Variants in CDKAL1 observed in about 807,000 individuals in gnomAD.
CDKAL1 encodes threonylcarbamoyladenosine tRNA methylthiotransferase.
A neutral mutation model predicts 68.2 loss-of-function variants in CDKAL1; 32 were observed. That is an observed-to-expected ratio of 0.47 (90% CI 0.35 to 0.63). The LOEUF (loss-of-function observed/expected upper bound fraction) is 0.63, where lower values mean the gene tolerates loss of function less well. CDKAL1 is among the 30% of genes least tolerant of loss of function. CDKAL1 has a pLI of 0.00. For synonymous variants in CDKAL1, 234 were observed against 244.3 expected, an observed-to-expected ratio of 0.96 and a Z score of 0.39; for missense variants, 606 against 696.7, an observed-to-expected ratio of 0.87 and a Z score of 1.47.
chr6:20,646,483 G>A (rs1305581526), intron 4 of CDKAL1, among the ~76,000 whole-genome samples: 1 of 151,638 alleles, frequency 6.6e-6, no homozygotes, highest in Middle Eastern at 3.2e-3. Flanking sequence ...ATACTCTTGT[G>A]TATCAACTGT....
At chr6:20,671,029 T>C (rs1769789226) in intron 5 of CDKAL1, among the ~76,000 whole-genome samples, 1 of 152,164 alleles carries the variant, frequency 6.6e-6, no homozygotes, top group Admixed American at 6.5e-5. Context: ...AGGTATATCT[T>C]TGGGATGAAT....
chr6:21,179,467 A>T (rs533268486), intron 13 of CDKAL1, among the ~76,000 whole-genome samples: 2 of 152,306 alleles, frequency 1.3e-5, no homozygotes, highest in East Asian at 3.9e-4. Context: ...TGTATTTTCT[A>T]GGAAATGCTA....
At chr6:20,647,947 C>T (rs1247290828) in intron 4 of CDKAL1, among the ~76,000 whole-genome samples, 3 of 149,188 alleles carry the variant, frequency 2.0e-5, no homozygotes, top group East Asian at 4.0e-4. Context: ...TGGTGGTGGG[C>T]GCCTGTAATC....
At chr6:21,192,031 T>TTTTTTTTTTTTTTC (rs1562104946) in intron 13 of CDKAL1, among the ~76,000 whole-genome samples, 2 of 116,102 alleles carry the variant, frequency 1.7e-5, no homozygotes, top group African/African-American at 7.0e-5. Context: ...TTTTTTTTTT[T>TTTTTTTTTTTTTTC]TGAGACGGAG....
At chr6:20,864,071 G>T (rs1326707989) in intron 9 of CDKAL1, among the ~76,000 whole-genome samples, 1 of 152,134 alleles carries the variant, frequency 6.6e-6, no homozygotes, top group African/African-American at 2.4e-5. Context: ...ATTGAATAAA[G>T]ATTTTAAAAT....
chr6:20,556,639 A>G (rs1198592021), intron 4 of CDKAL1, among the ~76,000 whole-genome samples: 1 of 152,174 alleles, frequency 6.6e-6, no homozygotes, highest in Non-Finnish European at 1.5e-5. Context: ...ATAGTGTCTT[A>G]CAGTTTGTAA....
intron 12 of CDKAL1, among the ~76,000 whole-genome samples, chr6:21,107,482 C>T (rs1249299068): frequency 1.3e-5 from 2 of 152,190 alleles, no homozygotes; most frequent in East Asian, 3.9e-4. Context: ...GGCTGGAGTG[C>T]AGTGGTACAA....
chr6:20,663,982 G>T (rs1391147847), intron 5 of CDKAL1, among the ~76,000 whole-genome samples: 2 of 151,798 alleles, frequency 1.3e-5, no homozygotes, highest in Non-Finnish European at 2.9e-5. Context: ...AAAAAAAAAT[G>T]GAGAATTTGA....
At chr6:20,810,633 T>G (rs1324541687) in intron 8 of CDKAL1, among the ~76,000 whole-genome samples, 1 of 61,158 alleles carries the variant, frequency 1.6e-5, no homozygotes, top group Non-Finnish European at 3.7e-5. Flanking sequence ...TATGGGTGTG[T>G]GTGTGTGTGT....
chr6:21,068,053 A>T (rs113921713), intron 12 of CDKAL1, among the ~76,000 whole-genome samples: 115 of 19,380 alleles, frequency 5.9e-3, no homozygotes, highest in South Asian at 0.011. Context: ...TTGGTTTACC[A>T]GTTGGATTTA....
At chr6:21,110,087 C>T (rs1453740602) in intron 13 of CDKAL1, among the ~76,000 whole-genome samples, 2 of 152,144 alleles carry the variant, frequency 1.3e-5, no homozygotes, top group Non-Finnish European at 2.9e-5. Flanking sequence ...AATCTAAATG[C>T]TTGATGGAGT....
intron 11 of CDKAL1, among the ~76,000 whole-genome samples, chr6:21,038,670 G>T (rs1259598839): frequency 6.6e-6 from 1 of 152,006 alleles, no homozygotes; most frequent in African/African-American, 2.4e-5. Context: ...AAAATATTAT[G>T]AGTTTTTTTG....
chr6:20,634,363 A>C (rs1163551414), intron 4 of CDKAL1, among the ~76,000 whole-genome samples: 2 of 152,192 alleles, frequency 1.3e-5, no homozygotes, highest in African/African-American at 2.4e-5. Context: ...TTTCTTTTTC[A>C]TCAAAATAAA....
intron 4 of CDKAL1, among the ~76,000 whole-genome samples, chr6:20,635,347 C>T (rs1351838684): frequency 6.6e-6 from 1 of 152,158 alleles, no homozygotes; most frequent in African/African-American, 2.4e-5. Flanking sequence ...GAGCTCCTTC[C>T]TTCCTTTGTA....
chr6:21,153,691 G>A (rs1353887751), intron 13 of CDKAL1, among the ~76,000 whole-genome samples: 3 of 152,072 alleles, frequency 2.0e-5, no homozygotes, highest in Admixed American at 1.3e-4. Flanking sequence ...AAAAATAGAG[G>A]GATTTTTTTC....
At chr6:20,820,262 G>A (rs1777223262) in intron 8 of CDKAL1, among the ~76,000 whole-genome samples, 1 of 152,086 alleles carries the variant, frequency 6.6e-6, no homozygotes, top group African/African-American at 2.4e-5. Flanking sequence ...CATACATTCA[G>A]TCTGGTTGGA....
At chr6:21,078,298 C>A (rs1772189194) in intron 12 of CDKAL1, among the ~76,000 whole-genome samples, 1 of 152,160 alleles carries the variant, frequency 6.6e-6, no homozygotes. Flanking sequence ...TTTGCTGTAT[C>A]ACTAGGTGAC....
chr6:20,874,460 C>T (rs1017403514), intron 9 of CDKAL1, among the ~76,000 whole-genome samples: 43 of 151,870 alleles, frequency 2.8e-4, no homozygotes, highest in Middle Eastern at 3.4e-3. Flanking sequence ...CCCGCCACCA[C>T]GCCTGGCTAA....
At chr6:21,161,179 T>C (rs1174343948) in intron 13 of CDKAL1, among the ~76,000 whole-genome samples, 1 of 152,022 alleles carries the variant, frequency 6.6e-6, no homozygotes, top group Admixed American at 6.6e-5. Flanking sequence ...CATGAAAACC[T>C]TATGTTGAAT....
Sources: allele counts gnomAD v4.1 joint callset (sites outside exome capture counted in the v4.1 genomes callset), GRCh38; gene constraint gnomAD v4.1.1; transcripts MANE v1.5; gene names NCBI Gene and HGNC (gene_info 2026-07-23, HGNC 2026-07-21).